KCNC4: variants seen among roughly 807,000 people sequenced by gnomAD.
KCNC4 encodes the protein potassium voltage-gated channel subfamily C member 4, also known as voltage-gated potassium channel KCNC4.
A neutral mutation model predicts 42.8 loss-of-function variants in KCNC4; 23 were observed. The observed-to-expected ratio is 0.54, with a 90% confidence interval of 0.39 to 0.76. The LOEUF is 0.76. Ranked by LOEUF, KCNC4 falls within the 30% of genes least tolerant of loss-of-function variation. The pLI is 0.00. For synonymous variants in KCNC4, 422 were observed against 393.5 expected (o/e 1.07, Z -0.86); for missense variants, 751 against 898.2 (o/e 0.84, Z 2.10).
downstream of KCNC4, among the ~76,000 whole-genome samples, chr1:110,251,102 T>C (rs1305951504): frequency 6.6e-6 from 1 of 151,860 alleles, no homozygotes; most frequent in Non-Finnish European, 1.5e-5. Context: ...CAGGGTAGAG[T>C]GGTCTACTGG....
rs1281531459 is a variant in KCNC4 at position 110,211,772 on chromosome 1, C to T, written c.273C>T (p.Gly91=). The T allele has an allele frequency of 1.2e-6, 2 of 1,610,366 alleles. No individual in the cohort carries two copies. Among genetic ancestry groups the T allele is most frequent in the Non-Finnish European group, 1.7e-6 (2 of 1,179,420 alleles). Residue 91 remains glycine, a synonymous_variant, in exon 1 of 4, where the codon GGC becomes GGT. Coordinates refer to ENST00000438661, the MANE Select transcript of KCNC4 (RefSeq NM_001039574.3). The surrounding 1 kb of genome is among the most constrained non-coding windows in gnomAD (Gnocchi z 6.5). ...GCAGCGGCAGCAGCGGCGGCGGGGG[C>T]TGCGAGTTCTTCTTCGACAGGCACC... is the stretch of plus-strand genomic sequence containing the variant. ...VGSSGSSGGG[G]CEFFFDRHPG... is the part of the protein sequence containing the mutation.
rs756521904 is a variant in KCNC4 at position 110,211,463 on chromosome 1, A to G, written c.-37A>G. On this transcript the variant is annotated 5_prime_UTR_variant, in exon 1 of 4. Transcript: ENST00000438661. This position sits in a 1 kb window ranked among gnomAD's most constrained non-coding sequence, Gnocchi z 6.5. Reference sequence around the variant, plus strand: ...TCCTCGGGAAGGGTGTTTGGAGGGCAGCGGCCGCCCCAAGCCGGAGCCCCG... The same window carrying G: ...TCCTCGGGAAGGGTGTTTGGAGGGCGGCGGCCGCCCCAAGCCGGAGCCCCG... 1 of 1,576,988 alleles carries G rather than the reference A, an allele frequency of 6.3e-7. No homozygotes were observed. The highest frequency in any genetic ancestry group is 8.6e-7 in the Non-Finnish European group (1 of 1,158,088).
intron 1 of KCNC4, among the ~76,000 whole-genome samples, chr1:110,254,653 A>G (rs1659301153): frequency 6.6e-6 from 1 of 152,240 alleles, no homozygotes; most frequent in African/African-American, 2.4e-5. Flanking sequence ...TTACGGGAAC[A>G]AGGAGATGAG....
chr1:110,218,065 C>T (rs1263271545), intron 1 of KCNC4, among the ~76,000 whole-genome samples: 1 of 152,086 alleles, frequency 6.6e-6, no homozygotes, highest in Admixed American at 6.6e-5. Flanking sequence ...GTTTTTGGGC[C>T]TGAGTCTCCT....
chr1:110,247,270 G>A (rs1458869437), exon 4 of KCNC4: 2 of 147,694 alleles, frequency 1.4e-5, no homozygotes, highest in Admixed American at 6.9e-5. Flanking sequence ...CTCTGTCACC[G>A]AGACTGGAGT....
chr1:110,266,199 G>T (rs1217767396), intron 1 of KCNC4, among the ~76,000 whole-genome samples: 1 of 152,236 alleles, frequency 6.6e-6, no homozygotes, highest in African/African-American at 2.4e-5. Context: ...AGGGACACAA[G>T]TACTGGCTTT....
At chr1:110,219,003 C>T (rs773150256) in intron 1 of KCNC4, among the ~76,000 whole-genome samples, 25 of 152,260 alleles carry the variant, frequency 1.6e-4, no homozygotes, top group East Asian at 7.7e-4. Context: ...GCCAGTTCAC[C>T]GGCAGTTTTC....
At chr1:110,224,916 A>G (rs1000620170) in intron 2 of KCNC4, 1 of 151,904 alleles carries the variant, frequency 6.6e-6, no homozygotes, top group African/African-American at 2.4e-5. Flanking sequence ...AGCTTGGGAC[A>G]CTCACCTATG....
rs1472551077 is a variant in KCNC4 at position 110,233,506 on chromosome 1, C to T, written c.*534C>T. On this transcript the variant is annotated 3_prime_UTR_variant, in exon 4 of 4. Transcript: ENST00000438661. ...ACTGCTTCACTAGCCGCACCCCACC[C>T]CAGATTGGGGTTCTACCTCCCACCC... 1.9e-5 allele frequency: 3 copies of T among 158,362 alleles called. No homozygotes were observed. In the South Asian group the frequency reaches 5.5e-4, roughly 29 times the overall value. The allele number at this position is 158,362 out of a possible 1,614,324, so 9.8% of individuals were successfully genotyped here.
At position 110,210,826 on chromosome 1, in the gene KCNC4, G is replaced by T. The variant is rs1045107088; in HGVS notation, c.-674G>T. 2.6e-5 allele frequency among the ~76,000 whole-genome samples: 4 copies of T among 152,028 alleles called. No homozygotes were observed. Among genetic ancestry groups the T allele is most frequent in the Non-Finnish European group, 5.9e-5 (4 of 67,966 alleles). On this transcript the variant is annotated 5_prime_UTR_variant, in exon 1 of 4. Transcript: ENST00000438661. The stretch of plus-strand genomic sequence containing the variant: ...GCCTCGCCCTGCGCAGCCCCCGCCC[G>T]CCCGGCCGCCGCTCTCTGCTCTGCC...
exon 4 of KCNC4, chr1:110,242,859 A>G (rs1383122877): frequency 2.0e-5 from 3 of 152,084 alleles, no homozygotes; most frequent in Non-Finnish European, 4.4e-5. Flanking sequence ...GGCGATTTTG[A>G]CCATGCTTCT....
intron 3 of KCNC4, among the ~76,000 whole-genome samples, chr1:110,229,606 C>A (rs1658593215): frequency 6.6e-6 from 1 of 152,224 alleles, no homozygotes; most frequent in Non-Finnish European, 1.5e-5. Flanking sequence ...TGTATTCCTG[C>A]CAGAACCGGA....
chr1:110,228,517 C>T (rs1264035742), intron 3 of KCNC4: 1 of 152,808 alleles, frequency 6.5e-6, no homozygotes, highest in African/African-American at 2.4e-5. Flanking sequence ...GACCCATGTG[C>T]CTTTTCTTCA....
At chr1:110,225,675 G>C in intron 2 of KCNC4, 1 of 342,556 alleles carries the variant, frequency 2.9e-6, no homozygotes, top group Non-Finnish European at 5.4e-6. Flanking sequence ...CTGATCTCCT[G>C]GGGCAGCCGT....
intron 1 of KCNC4, among the ~76,000 whole-genome samples, chr1:110,216,005 T>C (rs1657775077): frequency 6.6e-6 from 1 of 152,180 alleles, no homozygotes; most frequent in Admixed American, 6.5e-5. Context: ...CCAGAATTGG[T>C]CAAGGATAAC....
intron 1 of KCNC4, among the ~76,000 whole-genome samples, chr1:110,282,116 T>C (rs1659839028): frequency 6.6e-6 from 1 of 152,146 alleles, no homozygotes; most frequent in African/African-American, 2.4e-5. Flanking sequence ...CCCGAGTCAT[T>C]CTCATACTCA....
downstream of KCNC4, among the ~76,000 whole-genome samples, chr1:110,250,738 C>A (rs1473955265): frequency 6.6e-6 from 1 of 152,092 alleles, no homozygotes; most frequent in Admixed American, 6.5e-5. Context: ...AGCAAGGCCC[C>A]CAAGGGAAAA....
downstream of KCNC4, among the ~76,000 whole-genome samples, chr1:110,253,913 T>A (rs1012179175): frequency 6.6e-6 from 1 of 151,764 alleles, no homozygotes; most frequent in African/African-American, 2.4e-5. Context: ...GGTTCTTGGG[T>A]CTATAGGGCC....
At chr1:110,227,540 G>C (rs537676998) in intron 3 of KCNC4, among the ~76,000 whole-genome samples, 2 of 152,352 alleles carry the variant, frequency 1.3e-5, no homozygotes, top group African/African-American at 4.8e-5. Context: ...ACCCTCGCCT[G>C]TGTTCCTTTG....
Sources: allele counts gnomAD v4.1 joint callset (sites outside exome capture counted in the v4.1 genomes callset), GRCh38; gene constraint gnomAD v4.1.1; non-coding constraint Gnocchi (gnomAD v3.1); transcripts MANE v1.5; gene names NCBI Gene and HGNC (gene_info 2026-07-23, HGNC 2026-07-21).